SLC38A1: variants seen among roughly 807,000 people sequenced by gnomAD.
SLC38A1 encodes the protein solute carrier family 38 member 1.
Under a neutral mutation model 60.3 loss-of-function variants are expected in SLC38A1, and 18 were observed. The ratio of observed to expected loss-of-function variants is 0.30; its 90% CI spans 0.21 to 0.44. SLC38A1 has a LOEUF of 0.44. Ranked by LOEUF, SLC38A1 falls within the 20% of genes least tolerant of loss-of-function variation. SLC38A1 has a pLI of 1.00. For missense variants in SLC38A1, 448 were observed against 587.2 expected, an observed-to-expected ratio of 0.76 and a Z score of 2.45; for synonymous variants, 196 against 212.1, an observed-to-expected ratio of 0.92 and a Z score of 0.66.
At chr12:46,216,228 G>A (rs1321312425) in intron 5 of SLC38A1, among the ~76,000 whole-genome samples, 1 of 152,106 alleles carries the variant, frequency 6.6e-6, no homozygotes, top group Non-Finnish European at 1.5e-5. Flanking sequence ...TATTCTAGGG[G>A]AAATACCTGT....
At chr12:46,208,943 T>C (rs1039765125) in intron 6 of SLC38A1, 111 bp downstream of exon 6, 2 of 777,556 alleles carry the variant, frequency 2.6e-6, no homozygotes, top group Non-Finnish European at 4.3e-6. Context: ...CAAAATAGTC[T>C]TTCTTTTTAA....
chr12:46,269,016 C>G lies in SLC38A1; in HGVS notation c.-699G>C. The G allele has an allele frequency of 3.0e-6, 1 of 332,116 alleles. No homozygotes were observed. The highest frequency in any genetic ancestry group is 2.1e-5 in the South Asian group (1 of 47,282). 20.6% of individuals were successfully genotyped at this position (332,116 alleles called of 1,614,324 possible). A position where few individuals can be genotyped will look rare whatever the true frequency, so the allele number is the denominator to read the frequency against. Reference sequence around the variant, plus strand: ...GCGGTCTCCTCCCCTCCTGTGCGCCCGCTCTTTAACCAAAGCTGCGTGTCA... The same window carrying G: ...GCGGTCTCCTCCCCTCCTGTGCGCCGGCTCTTTAACCAAAGCTGCGTGTCA... On this transcript the variant is annotated 5_prime_UTR_variant, in exon 1 of 17. Coordinates refer to ENST00000398637, the MANE Select transcript of SLC38A1 (RefSeq NM_030674.4).
chr12:46,206,438 A>C (rs952503516), intron 8 of SLC38A1, among the ~76,000 whole-genome samples: 1 of 151,934 alleles, frequency 6.6e-6, no homozygotes, highest in Non-Finnish European at 1.5e-5. Context: ...ACATGGTTTC[A>C]AAGCTGAATG....
intron 5 of SLC38A1, among the ~76,000 whole-genome samples, chr12:46,218,785 G>A (rs1162904337): frequency 1.3e-5 from 2 of 152,024 alleles, no homozygotes; most frequent in East Asian, 1.9e-4. Context: ...GGCAGCTAGG[G>A]GCTTGGGAAG....
intron 1 of SLC38A1, among the ~76,000 whole-genome samples, chr12:46,246,556 A>C (rs1941626721): frequency 6.6e-6 from 1 of 152,264 alleles, no homozygotes; most frequent in Admixed American, 6.5e-5. Context: ...TGCTGTCTCT[A>C]TAGACCCCAC....
chr12:46,248,765 T>C (rs930643192), intron 1 of SLC38A1, among the ~76,000 whole-genome samples: 1 of 152,172 alleles, frequency 6.6e-6, no homozygotes, highest in African/African-American at 2.4e-5. Flanking sequence ...GACCACATAG[T>C]TGGAAGTAAA....
intron 8 of SLC38A1, 130 bp from the exon 9 acceptor site, chr12:46,206,292 C>A (rs1043370884): frequency 3.9e-6 from 2 of 513,628 alleles, no homozygotes; most frequent in Non-Finnish European, 6.8e-6. Context: ...TTTTTAAAAT[C>A]ATTATTCAGG....
Position 46,268,797 on chromosome 12 carries a change from C to G in SLC38A1, c.-480G>C, listed in dbSNP as rs1219149953. The G allele has an allele frequency of 9.9e-6, 4 of 403,876 alleles. No homozygotes were observed. In the East Asian group the frequency reaches 3.2e-4, roughly 32 times the overall value. The allele number at this position is 403,876 out of a possible 1,614,324, so 25.0% of individuals were successfully genotyped here. On this transcript the variant is annotated 5_prime_UTR_variant, in exon 1 of 17. Transcript: ENST00000398637. This position sits in a 1 kb window ranked among gnomAD's most constrained non-coding sequence, Gnocchi z 4.4. ...CGCCTGGCTCTCCTCCTTTCCGGGC[C>G]GATTGCATCAGAATCTCCCCTCACC...
chr12:46,233,022 A>T (rs1941132963), intron 3 of SLC38A1, among the ~76,000 whole-genome samples: 1 of 152,060 alleles, frequency 6.6e-6, no homozygotes, highest in Non-Finnish European at 1.5e-5. Context: ...TTTTATTATT[A>T]TTATTATTAT....
chr12:46,219,666 T>A (rs1470350824), intron 5 of SLC38A1, among the ~76,000 whole-genome samples: 1 of 152,190 alleles, frequency 6.6e-6, no homozygotes. Flanking sequence ...ACCTTGAAAA[T>A]CCAACTCTCT....
At chr12:46,227,830 C>T (rs1940924711) in intron 5 of SLC38A1, among the ~76,000 whole-genome samples, 1 of 152,054 alleles carries the variant, frequency 6.6e-6, no homozygotes. Flanking sequence ...AAGAAACTTG[C>T]TTAAAACTAC....
At chr12:46,215,639 C>T (rs370747891) in intron 5 of SLC38A1, among the ~76,000 whole-genome samples, 148 of 152,250 alleles carry the variant, frequency 9.7e-4, no homozygotes, top group African/African-American at 3.3e-3. Flanking sequence ...AACTCCTGAC[C>T]TCAGGTGATC....
At chr12:46,249,168 A>AAAAAAAAAAAAAAAAAAAAG (rs555103632) in intron 1 of SLC38A1, among the ~76,000 whole-genome samples, 2 of 126,442 alleles carry the variant, frequency 1.6e-5, no homozygotes, top group Non-Finnish European at 3.3e-5. Context: ...AAAAAAAAAA[A>AAAAAAAAAAAAAAAAAAAAG]AAAAAAAGAA....
intron 3 of SLC38A1, among the ~76,000 whole-genome samples, chr12:46,233,066 T>A (rs1941134991): frequency 6.6e-6 from 1 of 152,170 alleles, no homozygotes; most frequent in Non-Finnish European, 1.5e-5. Flanking sequence ...CTGCCCAAGC[T>A]GGAGTGCAGT....
intron 5 of SLC38A1, among the ~76,000 whole-genome samples, chr12:46,223,756 A>G (rs993921900): frequency 3.9e-5 from 6 of 152,258 alleles, no homozygotes; most frequent in African/African-American, 1.4e-4. Flanking sequence ...TAATAAACTG[A>G]TATCTCAGAA....
chr12:46,210,810 G>A (rs1235522182), intron 5 of SLC38A1, among the ~76,000 whole-genome samples: 2 of 152,172 alleles, frequency 1.3e-5, no homozygotes, highest in East Asian at 1.9e-4. Flanking sequence ...CCCCAGCCAC[G>A]TGGAACTGTG....
intron 16 of SLC38A1, among the ~76,000 whole-genome samples, chr12:46,192,379 T>C (rs1939181839): frequency 6.6e-6 from 1 of 152,222 alleles, no homozygotes; most frequent in African/African-American, 2.4e-5. Context: ...CTCAGGGATA[T>C]TGGCCTAAAA....
At chr12:46,216,995 T>A (rs1940443569) in intron 5 of SLC38A1, among the ~76,000 whole-genome samples, 2 of 152,352 alleles carry the variant, frequency 1.3e-5, no homozygotes, top group Middle Eastern at 3.4e-3. Context: ...TTCAAAATGA[T>A]CTTTTATATG....
At chr12:46,262,448 C>A (rs1255095284) in intron 1 of SLC38A1, among the ~76,000 whole-genome samples, 1 of 150,862 alleles carries the variant, frequency 6.6e-6, no homozygotes, top group East Asian at 1.9e-4. Flanking sequence ...AGTGTGAATA[C>A]CAACAAAATT....
Sources: allele counts gnomAD v4.1 joint callset (sites outside exome capture counted in the v4.1 genomes callset), GRCh38; gene constraint gnomAD v4.1.1; non-coding constraint Gnocchi (gnomAD v3.1); transcripts MANE v1.5; gene names NCBI Gene and HGNC (gene_info 2026-07-23, HGNC 2026-07-21).